The following PLD5 variants were observed in gnomAD, a reference collection of about 807,000 sequenced individuals.
The protein encoded by PLD5 is phospholipase D family member 5.
In PLD5, 36 loss-of-function variants were observed where a neutral mutation model predicts 61.1. The observed-to-expected ratio is 0.59, with a 90% confidence interval of 0.45 to 0.78. The LOEUF (loss-of-function observed/expected upper bound fraction) is 0.78. Ranked by LOEUF, PLD5 falls within the 30% of genes least tolerant of loss-of-function variation. The probability of loss-of-function intolerance (pLI) is 0.00; values close to 1 mark genes in which losing one functional copy is unlikely to be tolerated. For missense variants in PLD5, 515 were observed against 644.4 expected (o/e 0.80, Z 2.17); for synonymous variants, 243 against 242.8 (o/e 1.00, Z -0.01).
chr1:242,187,321 G>C (rs901106983), intron 5 of PLD5, among the ~76,000 whole-genome samples: 1 of 152,180 alleles, frequency 6.6e-6, no homozygotes, highest in African/African-American at 2.4e-5. Flanking sequence ...CAACCAACAT[G>C]AGGATAAAGG....
intron 7 of PLD5, among the ~76,000 whole-genome samples, chr1:242,110,767 G>T (rs1226506538): frequency 6.6e-6 from 1 of 151,982 alleles, no homozygotes; most frequent in East Asian, 1.9e-4. Flanking sequence ...CCGAGATCTT[G>T]CCATGGCACT....
chr1:242,186,167 G>GAT (rs10571090), intron 5 of PLD5, among the ~76,000 whole-genome samples: 53 of 150,812 alleles, frequency 3.5e-4, no homozygotes, highest in African/African-American at 7.8e-4. Flanking sequence ...AATGAAGAGA[G>GAT]ATATATATAT....
chr1:242,519,283 T>C (rs1446078427), intron 1 of PLD5, among the ~76,000 whole-genome samples: 2 of 152,224 alleles, frequency 1.3e-5, no homozygotes, highest in African/African-American at 4.8e-5. Context: ...CCAATCCATT[T>C]ATCCTTTGCT....
At chr1:242,376,055 C>A (rs1661934016) in intron 1 of PLD5, among the ~76,000 whole-genome samples, 7 of 152,160 alleles carry the variant, frequency 4.6e-5, no homozygotes, top group Admixed American at 4.6e-4. Context: ...ATGACAAAAA[C>A]CTGATTATAT....
At chr1:242,385,510 T>C (rs536445041) in intron 1 of PLD5, among the ~76,000 whole-genome samples, 8 of 152,304 alleles carry the variant, frequency 5.3e-5, no homozygotes, top group Admixed American at 3.9e-4. Flanking sequence ...TAGCATGGGC[T>C]CCCAGAGCTT....
intron 3 of PLD5, among the ~76,000 whole-genome samples, chr1:242,283,417 A>G (rs1674834443): frequency 1.3e-5 from 2 of 152,208 alleles, no homozygotes; most frequent in African/African-American, 2.4e-5. Flanking sequence ...TATAAAAGAC[A>G]TCTGGGCTGC....
At chr1:242,487,292 C>T (rs1572229341) in intron 1 of PLD5, among the ~76,000 whole-genome samples, 1 of 152,020 alleles carries the variant, frequency 6.6e-6, no homozygotes, top group Admixed American at 6.6e-5. Context: ...TACTTCTCAG[C>T]AGTAAAAAGT....
chr1:242,254,403 C>G (rs1224745004), intron 4 of PLD5, among the ~76,000 whole-genome samples: 24 of 151,422 alleles, frequency 1.6e-4, no homozygotes, highest in African/African-American at 5.3e-4. Context: ...GGCGTGGTGG[C>G]TCACGCCTGT....
chr1:242,511,136 C>T (rs915913084), intron 1 of PLD5, among the ~76,000 whole-genome samples: 1 of 152,122 alleles, frequency 6.6e-6, no homozygotes, highest in Non-Finnish European at 1.5e-5. Flanking sequence ...CACAGGGGCT[C>T]ACCTAAAGGA....
At chr1:242,514,898 T>A (rs79907268) in intron 1 of PLD5, among the ~76,000 whole-genome samples, 2 of 152,046 alleles carry the variant, frequency 1.3e-5, no homozygotes, top group African/African-American at 4.8e-5. Context: ...AAGACCTCCA[T>A]GGGTTAGAGA....
intron 1 of PLD5, among the ~76,000 whole-genome samples, chr1:242,368,742 C>T (rs1022410602): frequency 3.9e-5 from 6 of 152,162 alleles, no homozygotes; most frequent in Non-Finnish European, 5.9e-5. Flanking sequence ...CATGCCTGGC[C>T]GCCAGGTAGG....
Position 242,089,950 on chromosome 1 carries a change from G to T in PLD5, c.1515C>A (p.Thr505=), listed in dbSNP as rs776173676. ...ACAGGCTTGAGCAGTTCGGCTGTTT[G>T]GTTGGCTGTAAGGTTTTGGCATACG... is the stretch of plus-strand genomic sequence containing the variant. ...YSPYAKTLQP[T]KQPNCSSLFK... is the part of the protein sequence containing the mutation. Residue 505 remains threonine (T), a synonymous_variant, in exon 10 of 10, where the codon ACC becomes ACA. Transcript: ENST00000536534. 4 of 1,614,134 alleles carry T rather than the reference G, an allele frequency of 2.5e-6. No individual in the cohort carries two copies. Among genetic ancestry groups the T allele is most frequent in the African/African-American group, 2.7e-5 (2 of 75,028 alleles).
intron 2 of PLD5, among the ~76,000 whole-genome samples, chr1:242,306,033 TTG>T (rs1276577104): frequency 6.6e-6 from 1 of 152,078 alleles, no homozygotes; most frequent in Non-Finnish European, 1.5e-5. Flanking sequence ...AGGTCAAATG[TTG>T]TGTGTACCCA....
chr1:242,312,346 T>A (rs1336675898), intron 2 of PLD5, among the ~76,000 whole-genome samples: 1 of 152,088 alleles, frequency 6.6e-6, no homozygotes, highest in Non-Finnish European at 1.5e-5. Context: ...AGGAAGACCT[T>A]CACTAATAGG....
intron 5 of PLD5, among the ~76,000 whole-genome samples, chr1:242,168,839 TAATG>T (rs1437691836): frequency 1.7e-5 from 2 of 119,270 alleles, no homozygotes; most frequent in Non-Finnish European, 3.4e-5. Flanking sequence ...AGTTTTTAAT[TAATG>T]AAGTTTTTTT....
intron 2 of PLD5, among the ~76,000 whole-genome samples, chr1:242,337,769 C>T (rs576113268): frequency 3.9e-5 from 6 of 152,286 alleles, no homozygotes; most frequent in Middle Eastern, 3.4e-3. Context: ...AATGGGAGTA[C>T]GGAGGCTGAG....
chr1:242,360,822 C>T (rs770554923), intron 1 of PLD5, among the ~76,000 whole-genome samples: 1 of 152,096 alleles, frequency 6.6e-6, no homozygotes, highest in African/African-American at 2.4e-5. Context: ...TTCATTTTAT[C>T]CAGTTTCCTT....
chr1:242,140,243 G>A (rs975234413), intron 5 of PLD5, among the ~76,000 whole-genome samples: 1 of 152,316 alleles, frequency 6.6e-6, no homozygotes, highest in Admixed American at 6.5e-5. Flanking sequence ...CCCTCATAAA[G>A]ATGCTTATCT....
chr1:242,411,398 G>A (rs1266904849), intron 1 of PLD5, among the ~76,000 whole-genome samples: 2 of 152,142 alleles, frequency 1.3e-5, no homozygotes, highest in East Asian at 1.9e-4. Flanking sequence ...ACCACGCCCG[G>A]CTAATTTTTT....
Sources: allele counts gnomAD v4.1 joint callset (sites outside exome capture counted in the v4.1 genomes callset), GRCh38; gene constraint gnomAD v4.1.1; transcripts MANE v1.5; gene names NCBI Gene and HGNC (gene_info 2026-07-23, HGNC 2026-07-21).